The following TENM1 variants were observed in gnomAD, a reference collection of about 807,000 sequenced individuals.
The protein encoded by TENM1 is teneurin transmembrane protein 1.
Under a neutral mutation model 174.8 loss-of-function variants are expected in TENM1, and 35 were observed. That is an observed-to-expected ratio of 0.20 (90% CI 0.15 to 0.27). TENM1 has a LOEUF of 0.27. Among genes scored for constraint, TENM1 ranks in the 10% least tolerant of loss-of-function variants. The probability of loss-of-function intolerance (pLI) is 1.00; values close to 1 mark genes in which losing one functional copy is unlikely to be tolerated. For synonymous variants in TENM1, 781 were observed against 798.7 expected (o/e 0.98, Z 0.37); for missense variants, 1,633 against 2,130.1 (o/e 0.77, Z 4.59).
chrX:124,867,471 G>A (rs2057028858), intron 3 of TENM1, among the ~76,000 whole-genome samples: 1 of 111,247 alleles, frequency 9.0e-6, no homozygotes, highest in Non-Finnish European at 1.9e-5. Context: ...GAACACTGGG[G>A]ATAGAAGAAA....
At chrX:124,727,306 C>G (rs1334478766) in intron 4 of TENM1, among the ~76,000 whole-genome samples, 1 of 112,193 alleles carries the variant, frequency 8.9e-6, no homozygotes, top group East Asian at 2.8e-4. Flanking sequence ...ATCATGATTA[C>G]TATCCATTAT....
At chrX:124,581,367 T>C (rs2049305471) in intron 11 of TENM1, among the ~76,000 whole-genome samples, 1 of 111,134 alleles carries the variant, frequency 9.0e-6, no homozygotes, top group African/African-American at 3.3e-5. Context: ...ACCCGGCCTA[T>C]TTAGTTCTTT....
At chrX:124,584,997 A>G (rs766625484) in intron 11 of TENM1, among the ~76,000 whole-genome samples, 1,509 of 110,033 alleles carry the variant, frequency 0.014, 30 homozygotes, top group African/African-American at 0.047. Flanking sequence ...TATCCTAAAT[A>G]TATATGCACC....
At chrX:124,583,891 G>C (rs1269027184) in intron 11 of TENM1, among the ~76,000 whole-genome samples, 2 of 106,418 alleles carry the variant, frequency 1.9e-5, no homozygotes, top group Non-Finnish European at 3.9e-5. Context: ...GAAGAATGCA[G>C]AAGCCTCAGG....
intron 1 of TENM1, among the ~76,000 whole-genome samples, chrX:124,905,904 G>A (rs1307521210): frequency 1.1e-5 from 1 of 92,383 alleles, no homozygotes; most frequent in Non-Finnish European, 2.4e-5. Flanking sequence ...TCTGAAACAG[G>A]GCTGGAAATA....
At chrX:124,812,090 T>G (rs1454922504) in intron 3 of TENM1, among the ~76,000 whole-genome samples, 1 of 111,246 alleles carries the variant, frequency 9.0e-6, no homozygotes, top group Non-Finnish European at 1.9e-5. Context: ...TTATGAAGCA[T>G]GGTGATTACA....
At chrX:124,451,137 A>C (rs2061031004) in intron 23 of TENM1, among the ~76,000 whole-genome samples, 2 of 111,941 alleles carry the variant, frequency 1.8e-5, no homozygotes, top group South Asian at 7.5e-4. Context: ...AGACTAAAAA[A>C]GTCAGACACT....
chrX:124,646,366 T>C (rs896323722), intron 9 of TENM1, among the ~76,000 whole-genome samples: 3 of 112,432 alleles, frequency 2.7e-5, no homozygotes, highest in Non-Finnish European at 3.8e-5. Context: ...AAGCATCACA[T>C]AGTGACTGGT....
intron 4 of TENM1, among the ~76,000 whole-genome samples, chrX:124,709,319 G>A (rs1369439719): frequency 1.8e-5 from 2 of 111,291 alleles, no homozygotes; most frequent in East Asian, 2.8e-4. Context: ...AGGCAGTCTG[G>A]CTGCAGAGCC....
the TENM1 span, among the ~76,000 whole-genome samples, chrX:125,116,764 C>A: frequency 8.9e-6 from 1 of 112,203 alleles, no homozygotes; most frequent in African/African-American, 3.2e-5. Context: ...GTAATCCCAG[C>A]ACTCTGGGAG....
At chrX:124,548,453 T>A (rs1471084538) in intron 14 of TENM1, among the ~76,000 whole-genome samples, 1 of 111,565 alleles carries the variant, frequency 9.0e-6, no homozygotes, top group Non-Finnish European at 1.9e-5. Flanking sequence ...ACTCTTATAC[T>A]AGCAAAAATG....
At chrX:124,736,833 G>A in intron 4 of TENM1, 124 bp downstream of exon 7, 1 of 919,027 alleles carries the variant, frequency 1.1e-6, no homozygotes. Context: ...ATGCATCTGG[G>A]TGTGTATCGG....
intron 11 of TENM1, among the ~76,000 whole-genome samples, chrX:124,616,563 T>C (rs1316104039): frequency 8.9e-6 from 1 of 112,418 alleles, no homozygotes; most frequent in South Asian, 3.7e-4. Context: ...CTGTAGAATC[T>C]GTCCTCTTAC....
the TENM1 span, among the ~76,000 whole-genome samples, chrX:125,169,718 T>C: frequency 1.8e-5 from 2 of 111,129 alleles, no homozygotes; most frequent in South Asian, 7.5e-4. Context: ...AAGAGAAGTC[T>C]AAATTAAGGT....
intron 1 of TENM1, among the ~76,000 whole-genome samples, chrX:124,920,589 C>A (rs772292807): frequency 4.6e-4 from 51 of 111,431 alleles, no homozygotes; most frequent in Non-Finnish European, 1.9e-4. Flanking sequence ...TTATTAGATT[C>A]TCATAAAAAA....
At chrX:124,767,800 T>G (rs1016478882) in intron 3 of TENM1, among the ~76,000 whole-genome samples, 19 of 111,348 alleles carry the variant, frequency 1.7e-4, no homozygotes, top group Non-Finnish European at 2.6e-4. Context: ...GAGATGGTGG[T>G]TTAGAGATAT....
At chrX:124,620,812 G>A (rs1470011786) in intron 11 of TENM1, among the ~76,000 whole-genome samples, 1 of 111,974 alleles carries the variant, frequency 8.9e-6, no homozygotes, top group Non-Finnish European at 1.9e-5. Context: ...GTTTTCTCCA[G>A]AGCTGAAATG....
the TENM1 span, among the ~76,000 whole-genome samples, chrX:125,144,830 C>T: frequency 2.7e-5 from 3 of 109,924 alleles, no homozygotes; most frequent in Non-Finnish European, 3.8e-5. Flanking sequence ...CTCCGCCTCC[C>T]GGGTTCAAGC....
At chrX:124,605,769 G>A (rs181640453) in intron 11 of TENM1, among the ~76,000 whole-genome samples, 31 of 111,331 alleles carry the variant, frequency 2.8e-4, no homozygotes, top group Non-Finnish European at 3.2e-4. Flanking sequence ...CCAATGTTGC[G>A]CATCATTAAT....
Sources: gnomAD v4.1 joint callset for allele counts (sites outside exome capture counted in the v4.1 genomes callset) on GRCh38, gnomAD v4.1.1 for gene constraint, MANE v1.5 for transcripts, NCBI Gene and HGNC (gene_info 2026-07-23, HGNC 2026-07-21) for gene names.